Variants in LAG3 observed in about 807,000 individuals in gnomAD.
LAG3 encodes the protein lymphocyte activation gene 3 protein.
In LAG3, 29 loss-of-function variants were observed where a neutral mutation model predicts 49.0. That is an observed-to-expected ratio of 0.59 (90% CI 0.44 to 0.81). The LOEUF is 0.81. LAG3 is among the 30% of genes least tolerant of loss of function. The probability of loss-of-function intolerance (pLI) is 0.00; values close to 1 mark genes in which losing one functional copy is unlikely to be tolerated. For synonymous variants in LAG3, 320 were observed against 297.3 expected, an observed-to-expected ratio of 1.08 and a Z score of -0.79; for missense variants, 693 against 695.2, an observed-to-expected ratio of 1.00 and a Z score of 0.04.
In LAG3 at chr12:6,772,625, AG is replaced by A. The variant is rs1184127479; in HGVS notation, c.-226del. 44 of 291,092 alleles carry A rather than the reference AG, an allele frequency of 1.5e-4. 1 individual carries two copies. In the South Asian group the frequency reaches 2.2e-3, roughly 14 times the overall value. 18.0% of individuals were successfully genotyped at this position (291,092 alleles called of 1,614,324 possible). ...GGGACACCCCCGCCCCCACCTCCTC[AG>A]GCTGCCTGATCTGCCCAGCTTTCCA... On this transcript the variant is annotated 5_prime_UTR_variant, in exon 1 of 8. Transcript: ENST00000203629.
At position 6,773,015 on chromosome 12, in the gene LAG3, T is replaced by C; in HGVS notation, c.58+105T>C. 7.1e-7 allele frequency: 1 copy of C among 1,401,376 alleles called. No individual in the cohort carries two copies. The highest frequency in any genetic ancestry group is 1.0e-6 in the Non-Finnish European group (1 of 1,000,132). 86.8% of individuals were successfully genotyped at this position (1,401,376 alleles called of 1,614,324 possible). ...CTGAGGTCCTTAGCTCTGTGGATTC[T>C]TCTAATCCCTTTTTTGGGCAGTCCT... is the stretch of plus-strand genomic sequence containing the variant. On this transcript the variant is annotated intron_variant, in intron 1 of 7. Coordinates refer to ENST00000203629, the MANE Select transcript of LAG3 (RefSeq NM_002286.6). The surrounding 1 kb of genome is among the most constrained non-coding windows in gnomAD (Gnocchi z 5.5).
At chr12:6,778,161 G>A in intron 7 of LAG3, 83 bp from the exon 8 acceptor site, 1 of 1,397,142 alleles carries the variant, frequency 7.2e-7, no homozygotes, top group South Asian at 1.2e-5. Context: ...AAAAATAGAG[G>A]GACTCAGTGT....
rs1173659930 is a variant in LAG3 at position 6,772,581 on chromosome 12, C to A, written c.-272C>A. ...ACTTTGCTCTGTCTGCTCTCCGCCA[C>A]GGCCCTGCTCTGTTCCCTGGGACAC... On this transcript the variant is annotated 5_prime_UTR_variant, in exon 1 of 8. Coordinates refer to ENST00000203629, the MANE Select transcript of LAG3 (RefSeq NM_002286.6). 7 of 412,612 alleles carry A rather than the reference C, an allele frequency of 1.7e-5. No individual in the cohort carries two copies. The highest frequency in any genetic ancestry group is 4.2e-5 in the Admixed American group (1 of 23,916). The allele number at this position is 412,612 out of a possible 1,614,324, so 25.6% of individuals were successfully genotyped here.
chr12:6,772,771 TACCCCCC>T lies in LAG3; in HGVS notation c.-71_-65del. The T allele has an allele frequency of 5.2e-6, 6 of 1,145,364 alleles. No individual in the cohort carries two copies. Among genetic ancestry groups the T allele is most frequent in the Non-Finnish European group, 7.6e-6 (6 of 793,858 alleles). The allele number at this position is 1,145,364 out of a possible 1,614,324, so 71.0% of individuals were successfully genotyped here. On this transcript the variant is annotated 5_prime_UTR_variant, in exon 1 of 8. Coordinates refer to ENST00000203629, the MANE Select transcript of LAG3 (RefSeq NM_002286.6). ...CTCCCTCTCTGCAGAACTTCTCCTTTACCCCCCACCCCCCACCACTGCCCCCTTTCCT... is the reference window on the plus strand; with the variant it reads ...CTCCCTCTCTGCAGAACTTCTCCTTTACCCCCCACCACTGCCCCCTTTCCT...
At chr12:6,777,013 G>A (rs945363584) in intron 5 of LAG3, among the ~76,000 whole-genome samples, 2 of 152,162 alleles carry the variant, frequency 1.3e-5, no homozygotes, top group Admixed American at 6.5e-5. Flanking sequence ...AGGCTGAGAC[G>A]AGAGGAGCAC....
At chr12:6,777,143 C>A in intron 5 of LAG3, 121 bp from the exon 6 acceptor site, 1 of 1,121,048 alleles carries the variant, frequency 8.9e-7, no homozygotes, top group Non-Finnish European at 1.3e-6. Context: ...TGATGTCCTT[C>A]CCCAACCTCC....
chr12:6,776,101 C>G (rs1216932970), intron 5 of LAG3, among the ~76,000 whole-genome samples: 1 of 152,206 alleles, frequency 6.6e-6, no homozygotes, highest in Non-Finnish European at 1.5e-5. Flanking sequence ...CACGCACCTG[C>G]GGCCACTCAG....
In LAG3 at chr12:6,778,256, C is replaced by A. The variant is rs1183837540; in HGVS notation, c.1444C>A (p.Arg482=). 2.5e-6 allele frequency: 4 copies of A among 1,596,786 alleles called. No homozygotes were observed. Among genetic ancestry groups the A allele is most frequent in the Non-Finnish European group, 3.4e-6 (4 of 1,171,798 alleles). ...TCTCTTCTCACAGTGGCGACCAAGA[C>A]GATTTTCTGCCTTAGAGCAAGGGAT... ...HLWRRQWRPR[R]FSALEQGIHP... Residue 482 remains arginine (R), a synonymous_variant, in exon 8 of 8, where the codon CGA becomes AGA. Transcript: ENST00000203629.
chr12:6,774,615 T>A lies in LAG3; in HGVS notation c.532T>A (p.Ser178Thr). The part of the protein sequence containing the change: ...QASMTASPPG[S>T]LRASDWVILN... ...CACAGTGACTGCCAGCCCCCCAGGA[T>A]CTCTCAGAGCCTCCGACTGGGTCAT... is the stretch of plus-strand genomic sequence containing the variant. Residue 178 changes from serine (S) to threonine (T), a missense_variant, in exon 4 of 8, where the codon TCT becomes ACT. By Grantham distance (58) the Ser-to-Thr change is moderately conservative. Transcript: ENST00000203629. 1.2e-6 allele frequency: 2 copies of A among 1,613,928 alleles called. No individual in the cohort carries two copies. Among genetic ancestry groups the A allele is most frequent in the Non-Finnish European group, 1.7e-6 (2 of 1,179,936 alleles).
chr12:6,777,538 G>T, intron 6 of LAG3, 32 bp downstream of exon 6: 4 of 1,606,376 alleles, frequency 2.5e-6, no homozygotes, highest in Non-Finnish European at 3.4e-6. Flanking sequence ...GGACCCAAAC[G>T]CCACAGCAAT....
chr12:6,773,704 C>A lies in LAG3; in HGVS notation c.214C>A (p.Pro72Thr), dbSNP rs771448332. Residue 72 changes from proline (P) to threonine (T), a missense_variant, in exon 3 of 8, where the codon CCC (proline) becomes ACC (threonine). Coordinates refer to ENST00000203629, the MANE Select transcript of LAG3 (RefSeq NM_002286.6). The surrounding 1 kb of genome is among the most constrained non-coding windows in gnomAD (Gnocchi z 5.5). ...TWQHQPDSGP[P>T]AAAPGHPLAP... ...ATTCTCTTTCCCGCCCAGTGGCCCG[C>A]CCGCTGCCGCCCCCGGCCATCCCCT... The A allele has an allele frequency of 2.2e-6, 3 of 1,355,140 alleles. No homozygotes were observed. The Admixed American group carries it at 1.0e-4, about 45-fold the overall frequency. 83.9% of individuals were successfully genotyped at this position (1,355,140 alleles called of 1,614,324 possible).
chr12:6,777,936 T>C lies in LAG3; in HGVS notation c.1431+15T>C. ...GGAGAAGACAGGTGAGCCAGGGACA[T>C]GGCAACCCCGCCCCCCAGCAGCTCC... On this transcript the variant is annotated intron_variant, in intron 7 of 7. Coordinates refer to ENST00000203629, the MANE Select transcript of LAG3 (RefSeq NM_002286.6). The C allele has an allele frequency of 6.2e-7, 1 of 1,612,264 alleles. No homozygotes were observed. Among genetic ancestry groups the C allele is most frequent in the Non-Finnish European group, 8.5e-7 (1 of 1,179,656 alleles).
rs752704799 is a variant in LAG3, at chr12:6,773,264, G to A, written c.131G>A (p.Cys44Tyr). Reference sequence around the variant, plus strand: ...GAGGGGGCTCCTGCCCAGCTCCCCTGCAGCCCCACAATCCCCCTCCAGGAT... The same window carrying A: ...GAGGGGGCTCCTGCCCAGCTCCCCTACAGCCCCACAATCCCCCTCCAGGAT... ...AQEGAPAQLP[C>Y]SPTIPLQDLS... The change falls in exon 2 of 8, where the codon TGC (cysteine) becomes TAC (tyrosine). Residue 44 changes from cysteine (C) to tyrosine (Y), a missense_variant. Physicochemically the swap from Cys to Tyr is radical, Grantham distance 194. Transcript: ENST00000203629. The surrounding 1 kb of genome is among the most constrained non-coding windows in gnomAD (Gnocchi z 5.5). 1.2e-6 allele frequency: 2 copies of A among 1,613,452 alleles called. No homozygotes were observed. Among genetic ancestry groups the A allele is most frequent in the Non-Finnish European group, 1.7e-6 (2 of 1,179,756 alleles).
chr12:6,773,493 C>T lies in LAG3; in HGVS notation c.206+154C>T, dbSNP rs1322700414. On this transcript the variant is annotated intron_variant, in intron 2 of 7. Coordinates refer to ENST00000203629, the MANE Select transcript of LAG3 (RefSeq NM_002286.6). This position sits in a 1 kb window ranked among gnomAD's most constrained non-coding sequence, Gnocchi z 5.5. Reference sequence around the variant, plus strand: ...CGCTTGCACCGTTCCTGCCCTTGCTCTGCAATCAGCGACCCTCACGCCAGC... The same window carrying T: ...CGCTTGCACCGTTCCTGCCCTTGCTTTGCAATCAGCGACCCTCACGCCAGC... Among the ~76,000 whole-genome samples the T allele has an allele frequency of 6.6e-6, 1 of 152,222 alleles. No homozygotes were observed. The highest frequency in any genetic ancestry group is 1.5e-5 in the Non-Finnish European group (1 of 68,040).
chr12:6,774,541 G>C, intron 3 of LAG3, 54 bp from the exon 4 acceptor site: 1 of 1,568,984 alleles, frequency 6.4e-7, no homozygotes, highest in Non-Finnish European at 8.6e-7. Flanking sequence ...CAGCCCTGCT[G>C]TGTTGGGAAA....
chr12:6,776,238 C>G (rs1941907026), intron 5 of LAG3, among the ~76,000 whole-genome samples: 1 of 152,194 alleles, frequency 6.6e-6, no homozygotes, highest in Non-Finnish European at 1.5e-5. Flanking sequence ...ATACCTCTAA[C>G]TAGATGTTAT....
rs552154149 is a variant in LAG3 at position 6,774,875 on chromosome 12, C to A, written c.781+11C>A. ...ACCTCACTGTTCTGGGTAACTCCCC[C>A]ACTCTGCTTCACATTTGACCACAAC... On this transcript the variant is annotated intron_variant, in intron 4 of 7. Coordinates refer to ENST00000203629, the MANE Select transcript of LAG3 (RefSeq NM_002286.6). The A allele has an allele frequency of 1.2e-5, 19 of 1,602,568 alleles. 1 individual carries two copies. The South Asian group carries it at 2.0e-4, about 17-fold the overall frequency.
In LAG3 at chr12:6,772,810, A is replaced by C. The variant is rs761585468; in HGVS notation, c.-43A>C. On this transcript the variant is annotated 5_prime_UTR_variant, in exon 1 of 8. Coordinates refer to ENST00000203629, the MANE Select transcript of LAG3 (RefSeq NM_002286.6). ...CACCACTGCCCCCTTTCCTTTTCTG[A>C]CCTCCTTTTGGAGGGCTCAGCGCTG... The C allele has an allele frequency of 1.2e-5, 10 of 853,242 alleles. No individual in the cohort carries two copies. The highest frequency in any genetic ancestry group is 5.3e-5 in the East Asian group (1 of 18,812). 52.9% of individuals were successfully genotyped at this position (853,242 alleles called of 1,614,324 possible).
rs1941865657 is a variant in LAG3, at chr12:6,773,403, G to A, written c.206+64G>A. The A allele has an allele frequency of 5.7e-6, 9 of 1,582,642 alleles. No homozygotes were observed. The highest frequency in any genetic ancestry group is 5.2e-6 in the Non-Finnish European group (6 of 1,161,758). On this transcript the variant is annotated intron_variant, in intron 2 of 7. Transcript: ENST00000203629. The surrounding 1 kb of genome is among the most constrained non-coding windows in gnomAD (Gnocchi z 5.5). ...CAGCACTCAACCCCACACCCGTGCC[G>A]GTCCTCTGTCCCCTGCCCTGAGGTG... is the stretch of plus-strand genomic sequence containing the variant.
Sources: allele counts gnomAD v4.1 joint callset (sites outside exome capture counted in the v4.1 genomes callset), GRCh38; gene constraint gnomAD v4.1.1; non-coding constraint Gnocchi (gnomAD v3.1); transcripts MANE v1.5; gene names NCBI Gene and HGNC (gene_info 2026-07-23, HGNC 2026-07-21).